NLGN1: variants seen among roughly 807,000 people sequenced by gnomAD.
NLGN1 encodes the protein neuroligin 1.
In NLGN1, 12 loss-of-function variants were observed where a neutral mutation model predicts 65.5. The observed-to-expected ratio is 0.18, with a 90% CI of 0.12 to 0.30. The LOEUF (loss-of-function observed/expected upper bound fraction) is 0.30, where lower values mean the gene tolerates loss of function less well. Ranked by LOEUF, NLGN1 falls within the 10% of genes least tolerant of loss-of-function variation. The probability of loss-of-function intolerance (pLI) is 1.00; values close to 1 mark genes in which losing one functional copy is unlikely to be tolerated. For synonymous variants in NLGN1, 350 were observed against 359.5 expected (o/e 0.97, Z 0.30); for missense variants, 750 against 1,007.1 (o/e 0.74, Z 3.46).
intron 4 of NLGN1, among the ~76,000 whole-genome samples, chr3:174,224,535 C>A (rs1314291429): frequency 6.6e-6 from 1 of 152,062 alleles, no homozygotes; most frequent in Non-Finnish European, 1.5e-5. Context: ...CCCGTCTCTA[C>A]CAAAAACACA....
chr3:173,841,207 G>A (rs1724719721), intron 4 of NLGN1, among the ~76,000 whole-genome samples: 2 of 151,962 alleles, frequency 1.3e-5, no homozygotes, highest in South Asian at 4.1e-4. Context: ...ATGGTGGTCT[G>A]TAAAACTATT....
At chr3:174,270,294 G>GT (rs971651300) in intron 4 of NLGN1, among the ~76,000 whole-genome samples, 4 of 150,660 alleles carry the variant, frequency 2.7e-5, no homozygotes, top group African/African-American at 7.3e-5. Context: ...ATAGTTTTGG[G>GT]TTTTTTCATT....
intron 3 of NLGN1, among the ~76,000 whole-genome samples, chr3:173,793,731 C>T (rs1337059304): frequency 6.6e-6 from 1 of 152,084 alleles, no homozygotes; most frequent in South Asian, 2.1e-4. Context: ...CATCTAATTT[C>T]ACTTCCATAA....
Position 174,054,025 on chromosome 3 carries a change from G to GA in NLGN1, c.647-221282dup, listed in dbSNP as rs567361938. On this transcript the variant is annotated intron_variant, in intron 4 of 6. Coordinates refer to ENST00000457714, the Ensembl canonical transcript of NLGN1. The stretch of plus-strand genomic sequence containing the variant: ...AGTTCCTAAAACTTAAGTAGTCTTG[G>GA]AAAAAAAATCACTGGAACTTTTAAG... 1.4e-4 allele frequency among the ~76,000 whole-genome samples: 21 copies of GA among 151,580 alleles called. No homozygotes were observed. In the South Asian group the frequency reaches 4.0e-3, roughly 29 times the overall value.
At chr3:173,524,966 T>G (rs1381059379) in intron 2 of NLGN1, among the ~76,000 whole-genome samples, 1 of 152,168 alleles carries the variant, frequency 6.6e-6, no homozygotes, top group Admixed American at 6.5e-5. Context: ...TGGATTCAGT[T>G]TGCTAGTATT....
rs1723091072 is a variant in NLGN1, at chr3:173,833,897, C to T, written c.646+26065C>T. Among the ~76,000 whole-genome samples the T allele has an allele frequency of 2.0e-5, 3 of 152,068 alleles. No individual in the cohort carries two copies. In the South Asian group the frequency reaches 6.2e-4, roughly 31 times the overall value. ...TTTTTTCCTATATGGCTTCAAGATT[C>T]TGTGTCTTGTTTCAAAAGACCAAGA... On this transcript the variant is annotated intron_variant, in intron 4 of 6. Transcript: ENST00000457714.
chr3:174,163,491 A>G (rs142231178), intron 4 of NLGN1, among the ~76,000 whole-genome samples: 6 of 151,938 alleles, frequency 3.9e-5, no homozygotes, highest in African/African-American at 1.4e-4. Context: ...ACCTGGGTAT[A>G]TTGTGTGATG....
At chr3:174,219,854 T>A (rs1738308728) in intron 4 of NLGN1, among the ~76,000 whole-genome samples, 1 of 152,148 alleles carries the variant, frequency 6.6e-6, no homozygotes, top group Non-Finnish European at 1.5e-5. Context: ...AGAAGCAAGA[T>A]ACACCATCAG....
intron 2 of NLGN1, among the ~76,000 whole-genome samples, chr3:173,462,678 A>G (rs1168541106): frequency 6.6e-6 from 1 of 152,140 alleles, no homozygotes; most frequent in Non-Finnish European, 1.5e-5. Context: ...TATCAGTGCA[A>G]CAATCTTCTA....
intron 4 of NLGN1, among the ~76,000 whole-genome samples, chr3:173,985,378 G>A (rs1372041944): frequency 6.6e-6 from 1 of 152,050 alleles, no homozygotes; most frequent in East Asian, 1.9e-4. Flanking sequence ...GCAAGTCCTG[G>A]GTCTCAAAAG....
At chr3:173,858,785 T>G (rs1728511628) in intron 4 of NLGN1, among the ~76,000 whole-genome samples, 1 of 152,114 alleles carries the variant, frequency 6.6e-6, no homozygotes, top group African/African-American at 2.4e-5. Flanking sequence ...ATCGCATAGA[T>G]AGTTTATATA....
At chr3:173,792,046 G>A (rs1480425263) in intron 3 of NLGN1, among the ~76,000 whole-genome samples, 5 of 152,192 alleles carry the variant, frequency 3.3e-5, no homozygotes, top group African/African-American at 1.2e-4. Flanking sequence ...AGAGAATTGT[G>A]TCCCCGAAAT....
At chr3:173,884,950 G>A (rs1734060414) in intron 4 of NLGN1, among the ~76,000 whole-genome samples, 2 of 151,974 alleles carry the variant, frequency 1.3e-5, no homozygotes, top group African/African-American at 2.4e-5. Context: ...GGTAAAGAAG[G>A]GACTTACCCT....
At chr3:174,216,513 C>G (rs1283645170) in intron 4 of NLGN1, among the ~76,000 whole-genome samples, 2 of 152,046 alleles carry the variant, frequency 1.3e-5, no homozygotes, top group Non-Finnish European at 2.9e-5. Context: ...ATCTTTCAGT[C>G]GTGTTAGTCT....
chr3:173,829,891 G>T (rs926291377), intron 4 of NLGN1, among the ~76,000 whole-genome samples: 2 of 151,884 alleles, frequency 1.3e-5, no homozygotes, highest in African/African-American at 4.8e-5. Context: ...GTAATCATCT[G>T]TGATGTTTCC....
intron 4 of NLGN1, among the ~76,000 whole-genome samples, chr3:174,231,450 G>A (rs900003902): frequency 4.2e-4 from 64 of 152,130 alleles, no homozygotes; most frequent in Admixed American, 5.9e-4. Flanking sequence ...GTTAATGTAC[G>A]GTCGCTGGGA....
intron 3 of NLGN1, among the ~76,000 whole-genome samples, chr3:173,784,275 T>C (rs73880582): frequency 0.034 from 5,143 of 152,110 alleles, 298 homozygotes; most frequent in African/African-American, 0.12. Context: ...GTAAGGAAGG[T>C]GAATATTAAC....
chr3:174,151,396 A>G (rs569633397), intron 4 of NLGN1, among the ~76,000 whole-genome samples: 2 of 152,264 alleles, frequency 1.3e-5, no homozygotes, highest in Admixed American at 6.5e-5. Context: ...AGAGTATTTG[A>G]AATAGTTGCT....
intron 4 of NLGN1, among the ~76,000 whole-genome samples, chr3:174,161,249 G>GA (rs137915776): frequency 3.2e-4 from 48 of 148,614 alleles, no homozygotes; most frequent in East Asian, 1.2e-3. Flanking sequence ...TGCAATGACA[G>GA]AAAAAAAAAA....
Sources: allele counts gnomAD v4.1 joint callset (sites outside exome capture counted in the v4.1 genomes callset), GRCh38; gene constraint gnomAD v4.1.1; transcripts MANE v1.5; gene names NCBI Gene and HGNC (gene_info 2026-07-23, HGNC 2026-07-21).